MID1: variants seen among roughly 807,000 people sequenced by gnomAD.
The protein encoded by MID1 is E3 ubiquitin-protein ligase Midline-1.
Under a neutral mutation model 40.4 loss-of-function variants are expected in MID1, and 7 were observed. That is an observed-to-expected ratio of 0.17 (90% CI 0.10 to 0.33). The LOEUF (loss-of-function observed/expected upper bound fraction) is 0.33, where lower values mean the gene tolerates loss of function less well. Among genes scored for constraint, MID1 ranks in the 10% least tolerant of loss-of-function variants. The pLI, the probability that MID1 is intolerant of heterozygous loss-of-function variation, is 1.00. For missense variants in MID1, 367 were observed against 558.5 expected, an observed-to-expected ratio of 0.66 and a Z score of 3.46; for synonymous variants, 229 against 221.2, an observed-to-expected ratio of 1.04 and a Z score of -0.31.
intron 1 of MID1, among the ~76,000 whole-genome samples, chrX:10,636,792 A>ATATATATATATATATATATATG (rs1936120493): frequency 3.1e-5 from 2 of 64,557 alleles, no homozygotes; most frequent in African/African-American, 1.2e-4. Context: ...GGGGATATAT[A>ATATATATATATATATATATATG]TATATATATA....
At chrX:10,797,270 C>T (rs1007959125) in intron 1 of MID1, among the ~76,000 whole-genome samples, 16 of 111,384 alleles carry the variant, frequency 1.4e-4, no homozygotes, top group African/African-American at 3.3e-4. Context: ...ATATTTAGAG[C>T]GGGGCCTAAT....
At chrX:10,558,891 G>A (rs981388725) in intron 2 of MID1, among the ~76,000 whole-genome samples, 3 of 112,091 alleles carry the variant, frequency 2.7e-5, no homozygotes, top group Non-Finnish European at 3.8e-5. Context: ...TGCATTTTTC[G>A]AACTCTCTGA....
chrX:10,784,286 G>T (rs922372827), intron 1 of MID1, among the ~76,000 whole-genome samples: 3 of 110,975 alleles, frequency 2.7e-5, no homozygotes, highest in African/African-American at 9.8e-5. Context: ...AAAGTGAATG[G>T]GAAACGTATG....
chrX:10,529,016 G>A (rs1159210080), intron 2 of MID1, among the ~76,000 whole-genome samples: 2 of 111,679 alleles, frequency 1.8e-5, no homozygotes, highest in African/African-American at 6.5e-5. Flanking sequence ...TAACCTCTGT[G>A]CCTCAGTTTC....
At chrX:10,634,113 T>C (rs148202051) in intron 1 of MID1, among the ~76,000 whole-genome samples, 2,323 of 111,156 alleles carry the variant, frequency 0.021, 23 homozygotes, top group African/African-American at 0.039. Context: ...TGGTAACAAA[T>C]ATCCATGAAA....
chrX:10,550,559 G>A (rs902613746), intron 2 of MID1, among the ~76,000 whole-genome samples: 1 of 112,103 alleles, frequency 8.9e-6, no homozygotes, highest in East Asian at 2.8e-4. Flanking sequence ...CGGGAGGGGA[G>A]TTCTGCAATG....
chrX:10,794,706 A>G (rs1353888376), intron 1 of MID1, among the ~76,000 whole-genome samples: 2 of 112,477 alleles, frequency 1.8e-5, no homozygotes, highest in Non-Finnish European at 3.7e-5. Flanking sequence ...TAACCGAAGC[A>G]CAAAATTAAG....
intron 1 of MID1, among the ~76,000 whole-genome samples, chrX:10,659,713 G>A (rs1325456687): frequency 9.0e-6 from 1 of 111,489 alleles, no homozygotes; most frequent in Non-Finnish European, 1.9e-5. Context: ...CTTTCTTAAC[G>A]GGAAAATTGT....
intron 1 of MID1, among the ~76,000 whole-genome samples, chrX:10,606,940 C>T (rs932878493): frequency 6.3e-5 from 7 of 110,921 alleles, no homozygotes; most frequent in Admixed American, 4.8e-4. Flanking sequence ...AGTATATTGC[C>T]CAGGCTGGTC....
At chrX:10,716,351 G>A (rs1159703476) in intron 1 of MID1, among the ~76,000 whole-genome samples, 1 of 111,967 alleles carries the variant, frequency 8.9e-6, no homozygotes, top group Non-Finnish European at 1.9e-5. Flanking sequence ...GTCCTTAAAG[G>A]ACCTGATGGA....
chrX:10,486,191 T>A (rs1311566182), intron 4 of MID1, among the ~76,000 whole-genome samples: 1 of 112,320 alleles, frequency 8.9e-6, no homozygotes, highest in Non-Finnish European at 1.9e-5. Context: ...CGTGTAATAA[T>A]ATCACCTGCT....
chrX:10,613,726 TATATATAGAGAG>T (rs1160043006), intron 1 of MID1, among the ~76,000 whole-genome samples: 35 of 48,557 alleles, frequency 7.2e-4, no homozygotes, highest in Non-Finnish European at 1.1e-3. Flanking sequence ...TATATATATA[TATATATAGAGAG>T]AGAGAGAGAG....
chrX:10,819,448 T>C (rs900626290), intron 1 of MID1, among the ~76,000 whole-genome samples: 2 of 112,125 alleles, frequency 1.8e-5, no homozygotes, highest in Non-Finnish European at 3.8e-5. Flanking sequence ...CTCTATTGCA[T>C]ATTTTTATCT....
intron 2 of MID1, among the ~76,000 whole-genome samples, chrX:10,539,936 G>A (rs1416547723): frequency 4.4e-5 from 5 of 112,483 alleles, no homozygotes; most frequent in East Asian, 2.8e-4. Flanking sequence ...ACCTGGGCTC[G>A]GTGCGGTGTT....
chrX:10,788,174 G>C (rs2043900966), intron 1 of MID1, among the ~76,000 whole-genome samples: 1 of 111,773 alleles, frequency 8.9e-6, no homozygotes, highest in Non-Finnish European at 1.9e-5. Context: ...AGTTAATCCA[G>C]ACAATTAGTG....
In MID1 at chrX:10,447,438, C is replaced by T. The variant is rs1433421711; in HGVS notation, c.*1930G>A. 9.0e-6 allele frequency: 1 copy of T among 111,338 alleles called. No individual in the cohort carries two copies. Among genetic ancestry groups the T allele is most frequent in the African/African-American group, 3.3e-5 (1 of 30,645 alleles). The allele number at this position is 111,338 out of a possible 1,213,427, so 9.2% of individuals were successfully genotyped here. ...AGTGTACAAAGTGCATTAAAATATC[C>T]ATTATCCAGTTACCCAAAATGTATG... is the stretch of plus-strand genomic sequence containing the variant. On this transcript the variant is annotated 3_prime_UTR_variant, in exon 10 of 10. Coordinates refer to ENST00000317552, the MANE Select transcript of MID1 (RefSeq NM_000381.4).
chrX:10,717,800 A>C (rs958790835), intron 1 of MID1, among the ~76,000 whole-genome samples: 1 of 111,368 alleles, frequency 9.0e-6, no homozygotes, highest in Non-Finnish European at 1.9e-5. Flanking sequence ...TTGGAAGTAA[A>C]GCTCTCCTCA....
At chrX:10,459,112 C>T (rs900131494) in intron 8 of MID1, among the ~76,000 whole-genome samples, 4 of 110,721 alleles carry the variant, frequency 3.6e-5, no homozygotes, top group East Asian at 2.8e-4. Flanking sequence ...CACTACATGC[C>T]GGTAGCATCC....
chrX:10,797,813 G>A (rs1343123157), intron 1 of MID1, among the ~76,000 whole-genome samples: 1 of 111,699 alleles, frequency 9.0e-6, no homozygotes, highest in African/African-American at 3.3e-5. Context: ...AAGCAAACAT[G>A]CAAAAACCCA....
Sources: gnomAD v4.1 joint callset for allele counts (sites outside exome capture counted in the v4.1 genomes callset) on GRCh38, gnomAD v4.1.1 for gene constraint, MANE v1.5 for transcripts, NCBI Gene and HGNC (gene_info 2026-07-23, HGNC 2026-07-21) for gene names.